The following FER1L6 variants were observed in gnomAD, a reference collection of about 807,000 sequenced individuals.
The protein encoded by FER1L6 is fer-1-like protein 6.
In FER1L6, 177 loss-of-function variants were observed where a neutral mutation model predicts 219.2. The observed-to-expected ratio is 0.81, with a 90% CI of 0.71 to 0.91. The LOEUF is 0.91. FER1L6 is among the 40% of genes least tolerant of loss of function. The pLI, the probability that FER1L6 is intolerant of heterozygous loss-of-function variation, is 0.00. For synonymous variants in FER1L6, 768 were observed against 824.3 expected (o/e 0.93, Z 1.17); for missense variants, 2,153 against 2,259.9 (o/e 0.95, Z 0.96).
chr8:124,056,999 G>A lies in FER1L6; in HGVS notation c.2875-3181G>A, dbSNP rs140343604. On this transcript the variant is annotated intron_variant, in intron 22 of 40. Transcript: ENST00000522917. ...GCGGAGGTTGCAGTGAGCAGGGATC[G>A]CACCTCTGCACTCCAGCCTGGGTGA... Among the ~76,000 whole-genome samples the A allele has an allele frequency of 3.3e-5, 5 of 152,232 alleles. No individual in the cohort carries two copies. The East Asian group carries it at 7.7e-4, about 23-fold the overall frequency.
At chr8:123,914,379 T>C (rs542366339) in intron 1 of FER1L6, among the ~76,000 whole-genome samples, 1 of 152,332 alleles carries the variant, frequency 6.6e-6, no homozygotes, top group Admixed American at 6.5e-5. Flanking sequence ...AAAAGACATA[T>C]ATATACGTCA....
intron 39 of FER1L6, among the ~76,000 whole-genome samples, chr8:124,109,014 T>G (rs1822901002): frequency 6.6e-6 from 1 of 152,174 alleles, no homozygotes; most frequent in African/African-American, 2.4e-5. Context: ...GAGATTGTTT[T>G]AAAGATTTGA....
In FER1L6 at chr8:123,858,916, G is replaced by A. The variant is rs183982423; in HGVS notation, c.-8+6731G>A. Among the ~76,000 whole-genome samples, 323 of 152,276 alleles carry A rather than the reference G, an allele frequency of 2.1e-3. 2 individuals carry two copies. Among genetic ancestry groups the A allele is most frequent in the African/African-American group, 7.5e-3 (311 of 41,562 alleles). On this transcript the variant is annotated intron_variant, in intron 1 of 40. Coordinates refer to ENST00000522917, the MANE Select transcript of FER1L6 (RefSeq NM_001039112.2). Reference sequence around the variant, plus strand: ...CACTCATTTGGAAGTAGGTGGTGCTGTTTTAAAAAATGTTTTTAAAAAATT... The same window carrying A: ...CACTCATTTGGAAGTAGGTGGTGCTATTTTAAAAAATGTTTTTAAAAAATT...
At chr8:123,874,138 G>GA (rs963505788) in intron 1 of FER1L6, among the ~76,000 whole-genome samples, 1 of 152,154 alleles carries the variant, frequency 6.6e-6, no homozygotes, top group African/African-American at 2.4e-5. Flanking sequence ...TGAGGCTAGA[G>GA]AAAAACATGC....
intron 14 of FER1L6, among the ~76,000 whole-genome samples, chr8:124,011,647 C>CTTT (rs551341750): frequency 2.2e-5 from 3 of 133,920 alleles, no homozygotes; most frequent in African/African-American, 8.2e-5. Context: ...CCATGCCTGA[C>CTTT]TTTTTTTTTT....
chr8:124,108,338 A>G (rs891119356), intron 39 of FER1L6, among the ~76,000 whole-genome samples: 11 of 42,752 alleles, frequency 2.6e-4, no homozygotes, highest in African/African-American at 9.6e-4. Context: ...GAGAAAATTA[A>G]AGTATGTACA....
chr8:123,927,793 T>A (rs1420924911), intron 1 of FER1L6, among the ~76,000 whole-genome samples: 1 of 152,238 alleles, frequency 6.6e-6, no homozygotes, highest in East Asian at 1.9e-4. Context: ...TCTAAACTTA[T>A]CTTGGTTAGA....
chr8:124,013,592 A>C (rs558223460), intron 15 of FER1L6, 61 bp downstream of exon 15: 1 of 1,177,590 alleles, frequency 8.5e-7, no homozygotes. Flanking sequence ...GCTTTTAATT[A>C]CCTTGAGAAA....
chr8:123,942,132 A>T (rs1209760544), intron 1 of FER1L6, among the ~76,000 whole-genome samples: 1 of 152,014 alleles, frequency 6.6e-6, no homozygotes, highest in Non-Finnish European at 1.5e-5. Context: ...TCAGTTGGGG[A>T]TGTTTACGAG....
At chr8:124,052,653 C>T (rs1027568942) in intron 22 of FER1L6, among the ~76,000 whole-genome samples, 2 of 152,008 alleles carry the variant, frequency 1.3e-5, no homozygotes, top group Non-Finnish European at 2.9e-5. Context: ...GGCGTGGTGG[C>T]GCACATCTGT....
At chr8:123,972,843 G>A (rs1815883106) in intron 6 of FER1L6, among the ~76,000 whole-genome samples, 1 of 152,086 alleles carries the variant, frequency 6.6e-6, no homozygotes, top group African/African-American at 2.4e-5. Flanking sequence ...TTTCAACCTG[G>A]CACCAGCTCT....
At chr8:123,920,419 C>T (rs1481021403) in intron 1 of FER1L6, among the ~76,000 whole-genome samples, 1 of 152,180 alleles carries the variant, frequency 6.6e-6, no homozygotes, top group African/African-American at 2.4e-5. Flanking sequence ...ATGAGAAATA[C>T]AGTATTCTGA....
chr8:124,112,241 G>A (rs942116299), intron 39 of FER1L6, among the ~76,000 whole-genome samples: 5 of 152,290 alleles, frequency 3.3e-5, no homozygotes, highest in African/African-American at 9.6e-5. Flanking sequence ...GCTGGCAGGC[G>A]AGAGAGGGTT....
In FER1L6 at chr8:123,993,217, C is replaced by T. The variant is rs866015277; in HGVS notation, c.1519+7041C>T. Among the ~76,000 whole-genome samples the T allele has an allele frequency of 3.0e-4, 45 of 151,874 alleles. No individual in the cohort carries two copies. In the East Asian group the frequency reaches 4.7e-3, roughly 16 times the overall value. ...CAGCACTTTGGGAGGCCGAGGCGGG[C>T]GGATCACGAGGTCAGGAGATCGAGA... is the stretch of plus-strand genomic sequence containing the variant. On this transcript the variant is annotated intron_variant, in intron 12 of 40. Coordinates refer to ENST00000522917, the MANE Select transcript of FER1L6 (RefSeq NM_001039112.2).
chr8:124,047,204 G>C (rs1257627524), intron 21 of FER1L6, among the ~76,000 whole-genome samples: 1 of 152,160 alleles, frequency 6.6e-6, no homozygotes, highest in African/African-American at 2.4e-5. Context: ...TGCAGGGCAG[G>C]GTACCATTGT....
chr8:124,070,834 C>T (rs1209938074), intron 30 of FER1L6, among the ~76,000 whole-genome samples: 3 of 152,160 alleles, frequency 2.0e-5, no homozygotes, highest in African/African-American at 7.2e-5. Flanking sequence ...AGAGTCATTA[C>T]CTGAAAGGAA....
Position 123,956,025 on chromosome 8 carries a change from G to C in FER1L6, c.27G>C (p.Lys9Asn), listed in dbSNP as rs1242505386. ...TGTTTGGGCTGAAGGTGAAGAAGAAGAGAAATAAGGCAGAGAAGGGGTTAA... is the reference window on the plus strand; with the variant it reads ...TGTTTGGGCTGAAGGTGAAGAAGAACAGAAATAAGGCAGAGAAGGGGTTAA... MFGLKVKK[K>N]RNKAEKGLIL... Residue 9 changes from lysine (K) to asparagine (N), a missense_variant, in exon 2 of 41, where the codon AAG becomes AAC. Physicochemically the swap from Lys to Asn is moderately conservative, Grantham distance 94. Transcript: ENST00000522917. 1 of 1,612,338 alleles carries C rather than the reference G, an allele frequency of 6.2e-7. No individual in the cohort carries two copies. The highest frequency in any genetic ancestry group is 1.7e-5 in the Admixed American group (1 of 59,842).
chr8:123,853,123 C>A lies in FER1L6; in HGVS notation c.-8+938C>A, dbSNP rs80209833. Among the ~76,000 whole-genome samples the A allele has an allele frequency of 1.2e-4, 18 of 152,258 alleles. No homozygotes were observed. The highest frequency in any genetic ancestry group is 2.1e-4 in the Non-Finnish European group (14 of 68,028). On this transcript the variant is annotated intron_variant, in intron 1 of 40. Transcript: ENST00000522917. This position sits in a 1 kb window ranked among gnomAD's most constrained non-coding sequence, Gnocchi z 6.6. ...CCTTCCAAAGTGCTCGGATTACGTGCGTGAGCCACTGTGCCCACCCTCAGA... is the reference window on the plus strand; with the variant it reads ...CCTTCCAAAGTGCTCGGATTACGTGAGTGAGCCACTGTGCCCACCCTCAGA...
intron 39 of FER1L6, among the ~76,000 whole-genome samples, chr8:124,112,948 G>A (rs562900355): frequency 1.3e-5 from 2 of 152,114 alleles, no homozygotes; most frequent in Non-Finnish European, 2.9e-5. Context: ...GCACACATAT[G>A]TATACCATCT....
Sources: allele counts gnomAD v4.1 joint callset (sites outside exome capture counted in the v4.1 genomes callset), GRCh38; gene constraint gnomAD v4.1.1; non-coding constraint Gnocchi (gnomAD v3.1); transcripts MANE v1.5; gene names NCBI Gene and HGNC (gene_info 2026-07-23, HGNC 2026-07-21).